Variants in MMP26 observed in about 807,000 individuals in gnomAD.
MMP26 encodes matrix metallopeptidase 26, also known as matrix metalloproteinase-26.
In MMP26, 33 loss-of-function variants were observed where a neutral mutation model predicts 31.0. That is an observed-to-expected ratio of 1.06 (90% CI 0.81 to 1.42). MMP26 has a LOEUF of 1.42. Ranked by LOEUF, MMP26 falls within the 40% of genes most tolerant of loss-of-function variation. The pLI is 0.00. For missense variants in MMP26, 347 were observed against 316.1 expected (o/e 1.10, Z -0.74); for synonymous variants, 122 against 114.9 (o/e 1.06, Z -0.40).
At chr11:4,861,782 ACAT>A (rs1850164349) in intron 2 of MMP26, among the ~76,000 whole-genome samples, 1 of 152,116 alleles carries the variant, frequency 6.6e-6, no homozygotes, top group South Asian at 2.1e-4. Flanking sequence ...GCCTTCTAAT[ACAT>A]TCTTCATTTG....
chr11:4,812,444 G>T (rs1240131654), intron 2 of MMP26, among the ~76,000 whole-genome samples: 2 of 152,144 alleles, frequency 1.3e-5, no homozygotes, highest in Non-Finnish European at 2.9e-5. Flanking sequence ...AGCCACAGTA[G>T]AACGCGTGGC....
chr11:4,959,052 C>G (rs1294985285), intron 2 of MMP26, among the ~76,000 whole-genome samples: 35 of 151,850 alleles, frequency 2.3e-4, no homozygotes, highest in Admixed American at 2.0e-3. Context: ...TCCTGGCTAA[C>G]ACGGTGAAAC....
At chr11:4,976,666 AAGCAAGACCC>A (rs1333074256) in intron 2 of MMP26, among the ~76,000 whole-genome samples, 1 of 152,016 alleles carries the variant, frequency 6.6e-6, no homozygotes, top group Non-Finnish European at 1.5e-5. Context: ...ACACCTCAGG[AAGCAAGACCC>A]AGAGGGATTA....
chr11:4,869,141 C>T (rs1205444951), intron 2 of MMP26, among the ~76,000 whole-genome samples: 1 of 152,172 alleles, frequency 6.6e-6, no homozygotes, highest in Non-Finnish European at 1.5e-5. Flanking sequence ...CAATACCATT[C>T]AGGATATAGG....
intron 1 of MMP26, among the ~76,000 whole-genome samples, chr11:4,753,310 G>A (rs529302220): frequency 5.9e-5 from 9 of 152,148 alleles, no homozygotes; most frequent in Admixed American, 2.0e-4. Context: ...TACTGTTTGT[G>A]TTTAGCTTCT....
chr11:4,911,078 C>T (rs1466362949), intron 2 of MMP26, among the ~76,000 whole-genome samples: 1 of 152,112 alleles, frequency 6.6e-6, no homozygotes, highest in Non-Finnish European at 1.5e-5. Flanking sequence ...AAATACGAAA[C>T]CTGCAGTCAC....
chr11:4,989,818 C>G lies in MMP26; in HGVS notation c.270C>G (p.Thr90=), dbSNP rs771233283. 21 of 1,612,990 alleles carry G rather than the reference C, an allele frequency of 1.3e-5. No individual in the cohort carries two copies. In the East Asian group the frequency reaches 4.5e-4, roughly 34 times the overall value. ...GTGGGGTGCCTGATGGGTCCGACAC[C>G]TCCATCTCGCCAGGAAGATGCAAGT... ...PHCGVPDGSD[T]SISPGRCKWN... is the part of the protein sequence containing the mutation. Residue 90 remains threonine (T), a synonymous_variant, in exon 4 of 8, where the codon ACC becomes ACG. Coordinates refer to ENST00000380390, the MANE Select transcript of MMP26 (RefSeq NM_021801.5).
At chr11:4,815,945 A>G (rs889430919) in intron 2 of MMP26, among the ~76,000 whole-genome samples, 2 of 152,276 alleles carry the variant, frequency 1.3e-5, no homozygotes, top group East Asian at 1.9e-4. Flanking sequence ...ACAAGCATTT[A>G]ATTTTCCTTA....
chr11:4,925,827 GA>G (rs1851264599), intron 2 of MMP26, among the ~76,000 whole-genome samples: 1 of 150,528 alleles, frequency 6.6e-6, no homozygotes, highest in African/African-American at 2.4e-5. Flanking sequence ...TTGTTTTTTA[GA>G]CATTTTACTT....
chr11:4,790,684 C>T (rs190438365), intron 2 of MMP26, among the ~76,000 whole-genome samples: 32 of 152,252 alleles, frequency 2.1e-4, no homozygotes, highest in Non-Finnish European at 3.8e-4. Flanking sequence ...CTGATGGTCT[C>T]GTCTTCCACA....
At position 4,969,592 on chromosome 11, in the gene MMP26, T is replaced by G. The variant is rs560439949; in HGVS notation, c.-144-18476T>G. ...AAAAGTTAGATACATTTTTGTTTAT[T>G]TTTGTTTGTTTGTTTTACTGCTGTG... On this transcript the variant is annotated intron_variant, in intron 2 of 7. Coordinates refer to ENST00000380390, the MANE Select transcript of MMP26 (RefSeq NM_021801.5). Among the ~76,000 whole-genome samples the G allele has an allele frequency of 2.0e-5, 3 of 152,200 alleles. No individual in the cohort carries two copies. In the East Asian group the frequency reaches 5.8e-4, roughly 29 times the overall value.
At chr11:4,982,097 A>G (rs1426677392) in intron 2 of MMP26, among the ~76,000 whole-genome samples, 1 of 151,792 alleles carries the variant, frequency 6.6e-6, no homozygotes. Context: ...ATATACATAC[A>G]TACATATATA....
chr11:4,908,394 T>C (rs1479910963), intron 2 of MMP26: 3 of 1,108,724 alleles, frequency 2.7e-6, no homozygotes, highest in Admixed American at 3.6e-5. Context: ...AAGTCACTAA[T>C]GAAGGACTGG....
At chr11:4,772,552 C>T (rs17227456) in intron 2 of MMP26, among the ~76,000 whole-genome samples, 13,599 of 152,116 alleles carry the variant, frequency 0.089, 800 homozygotes, top group Middle Eastern at 0.15. Flanking sequence ...ATTAATTTGG[C>T]CCTGTTTTGC....
At chr11:4,805,830 CTT>C (rs1202278940) in intron 2 of MMP26, among the ~76,000 whole-genome samples, 1 of 152,116 alleles carries the variant, frequency 6.6e-6, no homozygotes, top group African/African-American at 2.4e-5. Context: ...TTATTCCACT[CTT>C]TGAGTTTTTT....
chr11:4,992,051 C>G lies in MMP26; in HGVS notation c.683C>G (p.Pro228Arg), dbSNP rs1199480850. Residue 228 changes from proline to arginine, a missense_variant, in exon 7 of 8, where the codon CCC (proline) becomes CGC (arginine). Coordinates refer to ENST00000380390, the MANE Select transcript of MMP26 (RefSeq NM_021801.5). ...HSGNQSSIMY[P>R]TYWYHDPRTF... ...GGGAATCAGAGCTCCATAATGTACC[C>G]CACTTACTGGTATCACGACCCTAGA... The G allele has an allele frequency of 6.2e-7, 1 of 1,613,988 alleles. No individual in the cohort carries two copies. The highest frequency in any genetic ancestry group is 1.3e-5 in the African/African-American group (1 of 74,996).
intron 1 of MMP26, among the ~76,000 whole-genome samples, chr11:4,717,450 G>A (rs1357519616): frequency 2.0e-5 from 3 of 151,908 alleles, no homozygotes; most frequent in Admixed American, 1.3e-4. Context: ...TAGTTGTAGC[G>A]GAAGAAGAGA....
intron 2 of MMP26, chr11:4,914,670 G>A (rs778212931): frequency 7.8e-7 from 1 of 1,279,934 alleles, no homozygotes; most frequent in East Asian, 2.4e-5. Context: ...TAAAGGATAG[G>A]CAAACAAGGG....
At chr11:4,724,107 C>A in intron 1 of MMP26, 2 of 635,288 alleles carry the variant, frequency 3.1e-6, no homozygotes, top group Non-Finnish European at 5.7e-6. Context: ...GTAGGAGCGG[C>A]TGCTGAAGTC....
Sources: allele counts gnomAD v4.1 joint callset (sites outside exome capture counted in the v4.1 genomes callset), GRCh38; gene constraint gnomAD v4.1.1; transcripts MANE v1.5; gene names NCBI Gene and HGNC (gene_info 2026-07-23, HGNC 2026-07-21).